The following FUCA1 variants were observed in gnomAD, a reference collection of about 807,000 sequenced individuals.
The protein encoded by FUCA1 is alpha-L-fucosidase 1.
A neutral mutation model predicts 56.8 loss-of-function variants in FUCA1; 52 were observed. That is an observed-to-expected ratio of 0.92 (90% confidence interval 0.73 to 1.15). The LOEUF (loss-of-function observed/expected upper bound fraction) is 1.15. FUCA1 is among the 50% of genes most tolerant of loss of function. FUCA1 has a pLI of 0.00. For synonymous variants in FUCA1, 230 were observed against 226.6 expected, an observed-to-expected ratio of 1.02 and a Z score of -0.14; for missense variants, 568 against 592.6, an observed-to-expected ratio of 0.96 and a Z score of 0.43.
intron 3 of FUCA1, among the ~76,000 whole-genome samples, chr1:23,862,926 A>G (rs958657944): frequency 6.6e-6 from 1 of 152,236 alleles, no homozygotes. Flanking sequence ...GATTGTTTCA[A>G]TGTAGAAGGC....
rs770552516 is a variant in FUCA1, at chr1:23,865,579, G to C, written c.436C>G (p.Pro146Ala). ...TTCCAGTTCCAAGACACAGGACTCG[G>C]CCAGTTTGTGAAGCCTTCGTGATGC... ...TKHHEGFTNW[P>A]SPVSWNWNSK... is the part of the protein sequence containing the mutation. Residue 146 changes from proline to alanine, a missense_variant, in exon 2 of 8, where the codon CCG becomes GCG. Coordinates refer to ENST00000374479, the MANE Select transcript of FUCA1 (RefSeq NM_000147.5). 1 of 1,614,184 alleles carries C rather than the reference G, an allele frequency of 6.2e-7. No individual in the cohort carries two copies. Among genetic ancestry groups the C allele is most frequent in the Admixed American group, 1.7e-5 (1 of 60,022 alleles).
chr1:23,852,062 T>C (rs1487151887), intron 5 of FUCA1, among the ~76,000 whole-genome samples: 1 of 104,290 alleles, frequency 9.6e-6, no homozygotes, highest in Admixed American at 1.0e-4. Context: ...AAATCAATCA[T>C]ATAGTATGTT....
At chr1:23,858,496 A>T (rs1639440423) in intron 4 of FUCA1, among the ~76,000 whole-genome samples, 1 of 152,256 alleles carries the variant, frequency 6.6e-6, no homozygotes, top group Non-Finnish European at 1.5e-5. Flanking sequence ...AGTGAAGATT[A>T]GGGTTTCCGC....
In FUCA1 at chr1:23,846,770, C is replaced by T. The variant is rs191484832; in HGVS notation, c.1161-597G>A. Among the ~76,000 whole-genome samples the T allele has an allele frequency of 9.4e-3, 1,425 of 151,350 alleles. 26 individuals are homozygous for T. The highest frequency in any genetic ancestry group is 0.031 in the African/African-American group (1,275 of 41,172). ...CTAATTTTTGTATTTTTAGTAAAGA[C>T]GGGGTTTCGCCATGTTGGCCAGACT... On this transcript the variant is annotated intron_variant, in intron 6 of 7. Coordinates refer to ENST00000374479, the MANE Select transcript of FUCA1 (RefSeq NM_000147.5).
rs943814965 is a variant in FUCA1 at position 23,845,576 on chromosome 1, T to C, written c.*139A>G. ...TTAGACATCAGGGTAATGTACTCAG[T>C]TCCTTTAATTAAAATGTGTTGGAAA... On this transcript the variant is annotated 3_prime_UTR_variant, in exon 8 of 8. Coordinates refer to ENST00000374479, the MANE Select transcript of FUCA1 (RefSeq NM_000147.5). 1.0e-6 allele frequency: 1 copy of C among 967,924 alleles called. No individual in the cohort carries two copies. Among genetic ancestry groups the C allele is most frequent in the Non-Finnish European group, 1.7e-6 (1 of 603,646 alleles). 60.0% of individuals were successfully genotyped at this position (967,924 alleles called of 1,614,324 possible).
intron 2 of FUCA1, 95 bp downstream of exon 2, chr1:23,865,396 T>C (rs1639601223): frequency 1.3e-6 from 2 of 1,544,658 alleles, no homozygotes; most frequent in East Asian, 4.5e-5. Flanking sequence ...ACTTGCTATA[T>C]GCAAACCTAG....
In FUCA1 at chr1:23,854,442, C is replaced by T. The variant is rs1315751002; in HGVS notation, c.887G>A (p.Cys296Tyr). 5.0e-6 allele frequency: 8 copies of T among 1,614,086 alleles called. No homozygotes were observed. Among genetic ancestry groups the T allele is most frequent in the Non-Finnish European group, 6.8e-6 (8 of 1,179,978 alleles). The change falls in exon 5 of 8, where the codon TGC (cysteine) becomes TAC (tyrosine). Residue 296 changes from cysteine to tyrosine, a missense_variant. By Grantham distance (194) the Cys-to-Tyr change is radical. Transcript: ENST00000374479. ...CCAGGAAAACTTGTCAATGCTGGTG[C>T]ACATCTCCCACTTGTGATCTGGCAA... ...QSLPDHKWEM[C>Y]TSIDKFSWGY...
At chr1:23,859,130 T>A (rs920304919) in intron 4 of FUCA1, among the ~76,000 whole-genome samples, 1 of 152,152 alleles carries the variant, frequency 6.6e-6, no homozygotes. Flanking sequence ...TGTTTTAATA[T>A]CTTTTTGGTG....
chr1:23,851,331 T>G (rs771807177), intron 5 of FUCA1, among the ~76,000 whole-genome samples: 3 of 151,976 alleles, frequency 2.0e-5, no homozygotes, highest in Non-Finnish European at 4.4e-5. Context: ...ACCACTGCAC[T>G]CTAGCCTGGG....
At chr1:23,853,354 CCCCCGCCCGGCCAGCCG>C (rs1226586329) in intron 5 of FUCA1, among the ~76,000 whole-genome samples, 1 of 148,474 alleles carries the variant, frequency 6.7e-6, no homozygotes, top group African/African-American at 2.5e-5. Flanking sequence ...TGGGGGTCAG[CCCCCGCCCGGCCAGCCG>C]CCCCGTCCGG....
At position 23,863,257 on chromosome 1, in the gene FUCA1, C is replaced by T. The variant is rs1034177482; in HGVS notation, c.539G>A (p.Gly180Glu). 6.2e-6 allele frequency: 10 copies of T among 1,613,236 alleles called. No homozygotes were observed. Among genetic ancestry groups the T allele is most frequent in the Non-Finnish European group, 8.5e-6 (10 of 1,179,848 alleles). The change falls in exon 3 of 8, where the codon GGA (glycine) becomes GAA (glutamate). Residue 180 changes from glycine (G) to glutamate (E), a missense_variant. Transcript: ENST00000374479. Reference protein sequence around the residue: ...TALRKRNIRYGLYHSLLEWFH... With the variant: ...TALRKRNIRYELYHSLLEWFH... Reference sequence around the variant, plus strand: ...CCACTCTAAGAGTGAGTGGTATAGTCCATAGCGGATGTTCCTTAAACAGAA... The same window carrying T: ...CCACTCTAAGAGTGAGTGGTATAGTTCATAGCGGATGTTCCTTAAACAGAA...
chr1:23,851,237 G>A (rs1384981762), intron 5 of FUCA1, among the ~76,000 whole-genome samples: 1 of 152,152 alleles, frequency 6.6e-6, no homozygotes, highest in Non-Finnish European at 1.5e-5. Flanking sequence ...GGTGGCACGT[G>A]CCTGTATTCC....
intron 4 of FUCA1, among the ~76,000 whole-genome samples, chr1:23,857,947 C>T (rs1473089497): frequency 2.0e-5 from 3 of 150,470 alleles, no homozygotes; most frequent in Non-Finnish European, 4.4e-5. Flanking sequence ...GGATTACAGG[C>T]GTGAGCCACC....
intron 5 of FUCA1, among the ~76,000 whole-genome samples, chr1:23,852,078 GTAA>G (rs1410102992): frequency 1.4e-5 from 2 of 145,138 alleles, no homozygotes; most frequent in Admixed American, 7.0e-5. Context: ...ATGTTAGAAG[GTAA>G]TAATAATAAT....
rs1440258948 is a variant in FUCA1, at chr1:23,868,265, A to T, written c.22T>A (p.Ser8Thr). 6.4e-7 allele frequency: 1 copy of T among 1,555,244 alleles called. No homozygotes were observed. Among genetic ancestry groups the T allele is most frequent in the South Asian group, 1.2e-5 (1 of 85,208 alleles). MRAPGMR[S>T]RPAGPALLLL... ...AACAGCGCGGGACCCGCCGGCCGCG[A>T]CCTCATCCCCGGAGCCCGCATCGCT... The change falls in exon 1 of 8, where the codon TCG (serine) becomes ACG (threonine). Residue 8 changes from serine to threonine, a missense_variant. By Grantham distance (58) the Ser-to-Thr change is moderately conservative. Transcript: ENST00000374479.
At chr1:23,854,313 T>TG in intron 5 of FUCA1, 47 bp downstream of exon 5, 1 of 1,404,734 alleles carries the variant, frequency 7.1e-7, no homozygotes, top group Non-Finnish European at 1.0e-6. Context: ...TCATACTGCA[T>TG]GTTAAAAAAA....
chr1:23,854,274 G>A, intron 5 of FUCA1, 86 bp downstream of exon 5: 1 of 1,148,068 alleles, frequency 8.7e-7, no homozygotes. Context: ...TGCTGTTTTT[G>A]CAAGCTTTTG....
In FUCA1 at chr1:23,868,258, G is replaced by T; in HGVS notation, c.29C>A (p.Pro10Gln). ...CAGCAGCAACAGCGCGGGACCCGCCGGCCGCGACCTCATCCCCGGAGCCCG... is the reference window on the plus strand; with the variant it reads ...CAGCAGCAACAGCGCGGGACCCGCCTGCCGCGACCTCATCCCCGGAGCCCG... Reference protein sequence around the residue: MRAPGMRSRPAGPALLLLLL... With the variant: MRAPGMRSRQAGPALLLLLL... Residue 10 changes from proline (P) to glutamine (Q), a missense_variant, in exon 1 of 8, where the codon CCG (proline) becomes CAG (glutamine). By Grantham distance (76) the Pro-to-Gln change is moderately conservative. Coordinates refer to ENST00000374479, the MANE Select transcript of FUCA1 (RefSeq NM_000147.5). 2 of 1,557,008 alleles carry T rather than the reference G, an allele frequency of 1.3e-6. No individual in the cohort carries two copies. Among genetic ancestry groups the T allele is most frequent in the Non-Finnish European group, 1.7e-6 (2 of 1,152,702 alleles).
chr1:23,861,075 G>A (rs1005652138), intron 3 of FUCA1, among the ~76,000 whole-genome samples: 1 of 151,322 alleles, frequency 6.6e-6, no homozygotes, highest in African/African-American at 2.4e-5. Context: ...TGTAATCCCA[G>A]CACTTTGGGA....
Sources: gnomAD v4.1 joint callset for allele counts (sites outside exome capture counted in the v4.1 genomes callset) on GRCh38, gnomAD v4.1.1 for gene constraint, MANE v1.5 for transcripts, NCBI Gene and HGNC (gene_info 2026-07-23, HGNC 2026-07-21) for gene names.